MGMT: variants seen among roughly 807,000 people sequenced by gnomAD.
MGMT encodes methylated-DNA--protein-cysteine methyltransferase.
A neutral mutation model predicts 15.9 loss-of-function variants in MGMT; 14 were observed. That is an observed-to-expected ratio of 0.88 (90% CI 0.58 to 1.37). The LOEUF is 1.37. MGMT is among the 40% of genes most tolerant of loss of function. MGMT has a pLI of 0.00. For missense variants in MGMT, 282 were observed against 268.1 expected, an observed-to-expected ratio of 1.05 and a Z score of -0.36; for synonymous variants, 130 against 118.2, an observed-to-expected ratio of 1.10 and a Z score of -0.65.
intron 2 of MGMT, 176 bp downstream of exon 2, chr10:129,536,553 C>G: frequency 1.4e-6 from 1 of 731,982 alleles, no homozygotes; most frequent in Non-Finnish European, 2.1e-6. Flanking sequence ...GCATTTGCAG[C>G]TTCCCTGTGT....
In MGMT at chr10:129,554,077, G is replaced by A. The variant is rs73386917; in HGVS notation, c.125+17700G>A. ...CGTGGGACTGGGGCTGAAAGGTGGCGTGCTGCCAATGAGAAAGATGGGGAG... is the reference window on the plus strand; with the variant it reads ...CGTGGGACTGGGGCTGAAAGGTGGCATGCTGCCAATGAGAAAGATGGGGAG... On this transcript the variant is annotated intron_variant, in intron 2 of 4. Transcript: ENST00000651593. Among the ~76,000 whole-genome samples the A allele has an allele frequency of 6.9e-3, 1,058 of 152,354 alleles. 9 individuals are homozygous for A. Among genetic ancestry groups the A allele is most frequent in the African/African-American group, 0.024 (994 of 41,588 alleles).
intron 3 of MGMT, among the ~76,000 whole-genome samples, chr10:129,746,188 G>A (rs557036684): frequency 2.2e-4 from 33 of 147,932 alleles, no homozygotes; most frequent in Non-Finnish European, 1.3e-4. Flanking sequence ...GCAGTGAGCC[G>A]AGATCGCACC....
intron 2 of MGMT, among the ~76,000 whole-genome samples, chr10:129,562,367 A>G (rs979034269): frequency 3.9e-4 from 60 of 152,340 alleles, no homozygotes; most frequent in African/African-American, 1.4e-3. Context: ...TCAGTGACCC[A>G]CCTGATTACA....
chr10:129,657,729 C>CA (rs1564750921), intron 2 of MGMT, among the ~76,000 whole-genome samples: 3,255 of 122,244 alleles, frequency 0.027, 131 homozygotes, highest in Middle Eastern at 0.065. Context: ...ACACACACAC[C>CA]CCCTCTCCCC....
chr10:129,649,198 G>A (rs374933254), intron 2 of MGMT, among the ~76,000 whole-genome samples: 68 of 152,258 alleles, frequency 4.5e-4, no homozygotes, highest in African/African-American at 1.4e-3. Flanking sequence ...GACTGAACTC[G>A]GCTGTTATCT....
intron 3 of MGMT, among the ~76,000 whole-genome samples, chr10:129,740,031 T>A (rs539516363): frequency 6.6e-6 from 1 of 152,248 alleles, no homozygotes; most frequent in Non-Finnish European, 1.5e-5. Context: ...TGGCCTGTTT[T>A]AATCAACAGT....
At chr10:129,482,142 G>T (rs1028656052) in intron 1 of MGMT, among the ~76,000 whole-genome samples, 1 of 152,126 alleles carries the variant, frequency 6.6e-6, no homozygotes, top group African/African-American at 2.4e-5. Context: ...TTTCCTTGTG[G>T]TTTCTTCTTT....
chr10:129,537,504 T>C (rs1288082625), intron 2 of MGMT, among the ~76,000 whole-genome samples: 2 of 152,122 alleles, frequency 1.3e-5, no homozygotes, highest in African/African-American at 4.8e-5. Context: ...TAGGGGAAAA[T>C]GTCATTTTGT....
chr10:129,614,125 C>T (rs1846993411), intron 2 of MGMT, among the ~76,000 whole-genome samples: 1 of 152,178 alleles, frequency 6.6e-6, no homozygotes, highest in Non-Finnish European at 1.5e-5. Flanking sequence ...CCCTGGCACC[C>T]ACCCTTCTAC....
chr10:129,569,986 T>C (rs1046547671), intron 2 of MGMT, among the ~76,000 whole-genome samples: 28 of 152,198 alleles, frequency 1.8e-4, no homozygotes, highest in Admixed American at 1.8e-3. Flanking sequence ...CATAATTGAG[T>C]GTAGACTAAC....
chr10:129,726,245 T>C (rs1848432079), intron 3 of MGMT, among the ~76,000 whole-genome samples: 1 of 152,168 alleles, frequency 6.6e-6, no homozygotes, highest in South Asian at 2.1e-4. Context: ...GACTTGAACC[T>C]GGGTCCTTCT....
At chr10:129,696,082 G>A (rs1848028659) in intron 2 of MGMT, among the ~76,000 whole-genome samples, 1 of 152,100 alleles carries the variant, frequency 6.6e-6, no homozygotes, top group South Asian at 2.1e-4. Flanking sequence ...GGGAGGCAAG[G>A]TTTTCCTCAC....
intron 2 of MGMT, among the ~76,000 whole-genome samples, chr10:129,607,971 G>A (rs911553488): frequency 7.9e-5 from 12 of 152,138 alleles, no homozygotes; most frequent in African/African-American, 2.9e-4. Context: ...TCAACCTGTC[G>A]GGCTCAAATG....
chr10:129,686,502 G>C (rs1274084953), intron 2 of MGMT, among the ~76,000 whole-genome samples: 1 of 152,096 alleles, frequency 6.6e-6, no homozygotes, highest in Non-Finnish European at 1.5e-5. Flanking sequence ...AGCCTCCCAA[G>C]TAGCTAGGAT....
At position 129,562,461 on chromosome 10, in the gene MGMT, A is replaced by T. The variant is rs1846292318; in HGVS notation, c.125+26084A>T. On this transcript the variant is annotated intron_variant, in intron 2 of 4. Transcript: ENST00000651593. ...TATCGGAGGACAGCTAGCAAAGAGA[A>T]CTTCCTGGAATAACTGCATTAAATG... 2.6e-5 allele frequency among the ~76,000 whole-genome samples: 4 copies of T among 152,348 alleles called. No homozygotes were observed. The South Asian group carries it at 8.3e-4, about 32-fold the overall frequency.
At chr10:129,478,766 G>C (rs1845324391) in intron 1 of MGMT, among the ~76,000 whole-genome samples, 1 of 152,324 alleles carries the variant, frequency 6.6e-6, no homozygotes, top group African/African-American at 2.4e-5. Flanking sequence ...CAGATGCTGT[G>C]GTGAATACAG....
chr10:129,580,265 T>G (rs1846536632), intron 2 of MGMT, among the ~76,000 whole-genome samples: 2 of 152,104 alleles, frequency 1.3e-5, no homozygotes, highest in Non-Finnish European at 2.9e-5. Flanking sequence ...GAGCCAGTGG[T>G]GCTGACACTG....
chr10:129,520,507 G>A (rs1052195069), intron 1 of MGMT, among the ~76,000 whole-genome samples: 8 of 112,494 alleles, frequency 7.1e-5, no homozygotes, highest in Non-Finnish European at 1.1e-4. Context: ...GAGCCCCTAC[G>A]GTGCAGGTGC....
intron 2 of MGMT, among the ~76,000 whole-genome samples, chr10:129,632,032 C>T (rs1388713124): frequency 1.3e-5 from 2 of 152,142 alleles, no homozygotes; most frequent in African/African-American, 4.8e-5. Flanking sequence ...CCACCGCGCC[C>T]AGCTTTCTAG....
Sources: gnomAD v4.1 joint callset for allele counts (sites outside exome capture counted in the v4.1 genomes callset) on GRCh38, gnomAD v4.1.1 for gene constraint, MANE v1.5 for transcripts, NCBI Gene and HGNC (gene_info 2026-07-23, HGNC 2026-07-21) for gene names.